GALNT2: variants seen among roughly 807,000 people sequenced by gnomAD.
GALNT2 encodes the protein UDP-GalNAc:polypeptide N-acetylgalactosaminyltransferase 2.
Under a neutral mutation model 81.4 loss-of-function variants are expected in GALNT2, and 31 were observed. The ratio of observed to expected loss-of-function variants is 0.38; its 90% confidence interval spans 0.29 to 0.51. The LOEUF is 0.51. Ranked by LOEUF, GALNT2 falls within the 20% of genes least tolerant of loss-of-function variation. The probability of loss-of-function intolerance (pLI) is 0.87; values close to 1 mark genes in which losing one functional copy is unlikely to be tolerated. For synonymous variants in GALNT2, 303 were observed against 287.4 expected, an observed-to-expected ratio of 1.05 and a Z score of -0.55; for missense variants, 629 against 765.7, an observed-to-expected ratio of 0.82 and a Z score of 2.11.
chr1:230,062,651 T>C (rs535950700), upstream of GALNT2, among the ~76,000 whole-genome samples: 3 of 152,354 alleles, frequency 2.0e-5, no homozygotes, highest in East Asian at 5.8e-4. Context: ...TAGCATATTG[T>C]CCTCAACGTT....
chr1:230,179,691 T>TA (rs1295373834), intron 2 of GALNT2, among the ~76,000 whole-genome samples: 1 of 152,244 alleles, frequency 6.6e-6, no homozygotes, highest in Non-Finnish European at 1.5e-5. Context: ...ACATTTAGGA[T>TA]AATCGTCCTT....
At chr1:230,058,701 A>G (rs1339251969) in intron 1 of GALNT2, among the ~76,000 whole-genome samples, 1 of 152,214 alleles carries the variant, frequency 6.6e-6, no homozygotes, top group Non-Finnish European at 1.5e-5. Flanking sequence ...GATTCCTTTA[A>G]CCTAAATCAC....
intron 1 of GALNT2, among the ~76,000 whole-genome samples, chr1:230,116,543 TAAAC>T (rs1660854583): frequency 6.6e-6 from 1 of 152,194 alleles, no homozygotes; most frequent in Non-Finnish European, 1.5e-5. Flanking sequence ...ATGTATTTCT[TAAAC>T]AAGACTTAAA....
chr1:230,279,656 C>A lies in GALNT2; in HGVS notation c.*198C>A. The A allele has an allele frequency of 1.5e-6, 1 of 667,040 alleles. No homozygotes were observed. Among genetic ancestry groups the A allele is most frequent in the East Asian group, 2.9e-5 (1 of 34,604 alleles). The allele number at this position is 667,040 out of a possible 1,614,324, so 41.3% of individuals were successfully genotyped here. A position where few individuals can be genotyped will look rare whatever the true frequency, so the allele number is the denominator to read the frequency against. The stretch of plus-strand genomic sequence containing the variant: ...CGGCAAGAAGCGAGAACTGCCCTCC[C>A]CCTCCTCTCGGTGCAGCCCAGCCGG... On this transcript the variant is annotated 3_prime_UTR_variant, in exon 16 of 16. Transcript: ENST00000366672. The surrounding 1 kb of genome is among the most constrained non-coding windows in gnomAD (Gnocchi z 4.6).
At chr1:230,185,273 CGTGTGT>C (rs1177553093) in intron 2 of GALNT2, among the ~76,000 whole-genome samples, 14 of 119,512 alleles carry the variant, frequency 1.2e-4, no homozygotes, top group East Asian at 2.1e-4. Context: ...TGCGTGCGTG[CGTGTGT>C]GTGTGTGTGT....
chr1:230,138,016 T>C (rs949311202), intron 1 of GALNT2, among the ~76,000 whole-genome samples: 15 of 152,234 alleles, frequency 9.9e-5, no homozygotes, highest in African/African-American at 3.6e-4. Context: ...TTGGAATTTG[T>C]TCAGTGATGA....
chr1:230,153,772 T>C (rs1157091258), intron 1 of GALNT2, among the ~76,000 whole-genome samples: 1 of 152,216 alleles, frequency 6.6e-6, no homozygotes, highest in Non-Finnish European at 1.5e-5. Context: ...ATTACAGCCT[T>C]TGTTCCCACT....
chr1:230,123,738 A>G (rs1167289187), intron 1 of GALNT2, among the ~76,000 whole-genome samples: 1 of 152,146 alleles, frequency 6.6e-6, no homozygotes, highest in Non-Finnish European at 1.5e-5. Context: ...AGGTGTACTT[A>G]TGTTCTTCTC....
intron 1 of GALNT2, among the ~76,000 whole-genome samples, chr1:230,139,502 A>C (rs913379922): frequency 6.6e-6 from 1 of 152,142 alleles, no homozygotes; most frequent in Non-Finnish European, 1.5e-5. Context: ...TGCCCCATGA[A>C]GGGAGGACGG....
chr1:230,098,449 C>G (rs1378343371), intron 1 of GALNT2, among the ~76,000 whole-genome samples: 6 of 151,732 alleles, frequency 4.0e-5, no homozygotes, highest in Non-Finnish European at 7.4e-5. Context: ...CAAACTACCC[C>G]AAAGTCCGAG....
At position 230,233,544 on chromosome 1, in the gene GALNT2, C is replaced by T. The variant is rs1013057359; in HGVS notation, c.375-2470C>T. ...AGGAGAATCGCTTGAACCCGGGAGGCGGAGGTTGCAATGATCCGAGATTGT... is the reference window on the plus strand; with the variant it reads ...AGGAGAATCGCTTGAACCCGGGAGGTGGAGGTTGCAATGATCCGAGATTGT... On this transcript the variant is annotated intron_variant, in intron 3 of 15. Transcript: ENST00000366672. Among the ~76,000 whole-genome samples the T allele has an allele frequency of 4.6e-5, 7 of 151,968 alleles. 1 individual carries two copies. In the South Asian group the frequency reaches 1.5e-3, roughly 32 times the overall value.
intron 1 of GALNT2, among the ~76,000 whole-genome samples, chr1:230,089,150 TC>T (rs1177000875): frequency 6.6e-6 from 1 of 150,984 alleles, no homozygotes; most frequent in African/African-American, 2.5e-5. Flanking sequence ...TTTCTTTCTT[TC>T]TTTTTTTTTT....
Position 230,280,147 on chromosome 1 carries a change from C to T in GALNT2, c.*689C>T, listed in dbSNP as rs1320573867. On this transcript the variant is annotated 3_prime_UTR_variant, in exon 16 of 16. Transcript: ENST00000366672. ...CTTGTATATTCCCCACAAAGCCGTTCGCAGCTTCCGGGAGAAGGGGCCAGA... is the reference window on the plus strand; with the variant it reads ...CTTGTATATTCCCCACAAAGCCGTTTGCAGCTTCCGGGAGAAGGGGCCAGA... 9 of 381,706 alleles carry T rather than the reference C, an allele frequency of 2.4e-5. No homozygotes were observed. Among genetic ancestry groups the T allele is most frequent in the South Asian group, 9.8e-5 (5 of 51,038 alleles). 23.6% of individuals were successfully genotyped at this position (381,706 alleles called of 1,614,324 possible). A position where few individuals can be genotyped will look rare whatever the true frequency, so the allele number is the denominator to read the frequency against.
At chr1:230,211,227 G>A (rs373269504) in intron 3 of GALNT2, among the ~76,000 whole-genome samples, 3 of 151,012 alleles carry the variant, frequency 2.0e-5, no homozygotes, top group South Asian at 4.2e-4. Flanking sequence ...CACTCCTCCC[G>A]CATCAATTTG....
intron 1 of GALNT2, among the ~76,000 whole-genome samples, chr1:230,130,903 C>A (rs943262992): frequency 6.6e-6 from 1 of 152,236 alleles, no homozygotes; most frequent in Admixed American, 6.5e-5. Context: ...GGCCCACACC[C>A]GTGACTGCCC....
At chr1:230,169,912 G>A (rs1262420923) in intron 1 of GALNT2, among the ~76,000 whole-genome samples, 4 of 152,220 alleles carry the variant, frequency 2.6e-5, no homozygotes, top group African/African-American at 9.6e-5. Flanking sequence ...TTGGAGCAGT[G>A]AAAGTGAAAC....
At chr1:230,061,671 T>C (rs372058417) in intron 1 of GALNT2, among the ~76,000 whole-genome samples, 2 of 152,190 alleles carry the variant, frequency 1.3e-5, no homozygotes, top group South Asian at 2.1e-4. Context: ...GGAAAAACAG[T>C]ATACTCAGAG....
chr1:230,265,410 A>T, intron 14 of GALNT2, 43 bp downstream of exon 14: 1 of 1,613,068 alleles, frequency 6.2e-7, no homozygotes, highest in East Asian at 2.2e-5. Context: ...GCCCAGAGAG[A>T]GCAGGAGTTG....
chr1:230,223,779 C>A (rs1195381402), intron 3 of GALNT2, among the ~76,000 whole-genome samples: 2 of 152,164 alleles, frequency 1.3e-5, no homozygotes, highest in African/African-American at 4.8e-5. Context: ...CCGAAAAGTT[C>A]GTCTTTTTAA....
Sources: allele counts gnomAD v4.1 joint callset (sites outside exome capture counted in the v4.1 genomes callset), GRCh38; gene constraint gnomAD v4.1.1; non-coding constraint Gnocchi (gnomAD v3.1); transcripts MANE v1.5; gene names NCBI Gene and HGNC (gene_info 2026-07-23, HGNC 2026-07-21).